ITPK1: variants seen among roughly 807,000 people sequenced by gnomAD.
The protein encoded by ITPK1 is inositol 1,3,4-trisphosphate 5/6-kinase.
ITPK1 carries 21 observed loss-of-function variants against 45.3 expected under a neutral mutation model. The ratio of observed to expected loss-of-function variants is 0.46; its 90% CI spans 0.33 to 0.67. The LOEUF (loss-of-function observed/expected upper bound fraction) is 0.67. Among genes scored for constraint, ITPK1 ranks in the 30% least tolerant of loss-of-function variants. The probability of loss-of-function intolerance (pLI) is 0.02; values close to 1 mark genes in which losing one functional copy is unlikely to be tolerated. For synonymous variants in ITPK1, 258 were observed against 253.6 expected (o/e 1.02, Z -0.16); for missense variants, 474 against 573.5 (o/e 0.83, Z 1.77).
In ITPK1 at chr14:93,046,594, C is replaced by CGG. The variant is rs1239483624; in HGVS notation, c.121-29795_121-29794dup. 2.7e-3 allele frequency among the ~76,000 whole-genome samples: 203 copies of CGG among 74,086 alleles called. 2 individuals are homozygous for CGG. The highest frequency in any genetic ancestry group is 8.9e-3 in the African/African-American group (166 of 18,664). 48.6% of individuals were successfully genotyped at this position (74,086 alleles called of 152,430 possible). ...GCAGGGATGGCCCAGCAGCCGGGGG[C>CGG]GGGGGGGGGCGGCGGGGGGAACACA... On this transcript the variant is annotated intron_variant, in intron 3 of 10. Coordinates refer to ENST00000267615, the MANE Select transcript of ITPK1 (RefSeq NM_014216.6).
chr14:93,030,419 T>G (rs898899588), intron 3 of ITPK1, among the ~76,000 whole-genome samples: 4 of 152,128 alleles, frequency 2.6e-5, no homozygotes, highest in African/African-American at 2.4e-5. Flanking sequence ...AGGACTTGTT[T>G]TCTTTTCTTT....
At chr14:93,057,129 C>A (rs1252336698) in intron 3 of ITPK1, among the ~76,000 whole-genome samples, 2 of 152,172 alleles carry the variant, frequency 1.3e-5, no homozygotes, top group Non-Finnish European at 2.9e-5. Flanking sequence ...GATTATGAGC[C>A]TCACAGGCGA....
intron 3 of ITPK1, among the ~76,000 whole-genome samples, chr14:93,041,066 G>C (rs960924308): frequency 6.6e-6 from 1 of 152,118 alleles, no homozygotes; most frequent in Non-Finnish European, 1.5e-5. Context: ...TCGTATATAC[G>C]ACAGCCATGA....
At chr14:93,081,860 C>T (rs1891448010) in intron 2 of ITPK1, among the ~76,000 whole-genome samples, 1 of 152,192 alleles carries the variant, frequency 6.6e-6, no homozygotes, top group Non-Finnish European at 1.5e-5. Flanking sequence ...GTGGCCCAGC[C>T]TTTACCTATG....
chr14:93,015,951 A>G, intron 4 of ITPK1, among the ~76,000 whole-genome samples: 1 of 152,222 alleles, frequency 6.6e-6, no homozygotes, highest in Non-Finnish European at 1.5e-5. Flanking sequence ...CCCACTAGGC[A>G]CACCTGAAAA....
rs1007841822 is a variant in ITPK1 at position 93,019,935 on chromosome 14, G to A, written c.121-3134C>T. On this transcript the variant is annotated intron_variant, in intron 3 of 10. Coordinates refer to ENST00000267615, the MANE Select transcript of ITPK1 (RefSeq NM_014216.6). Reference sequence around the variant, plus strand: ...CCCCAGAAAAAAGAACATTCCCAGGGACTTCTTGTTCTCCTCAGAGGACGG... The same window carrying A: ...CCCCAGAAAAAAGAACATTCCCAGGAACTTCTTGTTCTCCTCAGAGGACGG... Among the ~76,000 whole-genome samples, 5 of 152,162 alleles carry A rather than the reference G, an allele frequency of 3.3e-5. 1 individual carries two copies. Among genetic ancestry groups the A allele is most frequent in the African/African-American group, 1.2e-4 (5 of 41,432 alleles).
chr14:93,019,416 C>T (rs562095338), intron 3 of ITPK1, among the ~76,000 whole-genome samples: 17 of 152,348 alleles, frequency 1.1e-4, no homozygotes, highest in Admixed American at 9.1e-4. Flanking sequence ...GCATCCCCGG[C>T]GCTCCACTGA....
chr14:93,056,398 G>A (rs1436460286), intron 3 of ITPK1, among the ~76,000 whole-genome samples: 1 of 152,232 alleles, frequency 6.6e-6, no homozygotes, highest in Non-Finnish European at 1.5e-5. Flanking sequence ...ACTGCAGACT[G>A]ACTCAGCAGG....
intron 5 of ITPK1, among the ~76,000 whole-genome samples, chr14:92,963,440 G>A (rs921838769): frequency 9.2e-5 from 14 of 152,222 alleles, no homozygotes; most frequent in African/African-American, 2.9e-4. Flanking sequence ...TGACACAACT[G>A]TTTCCACATG....
At chr14:92,962,468 T>A in intron 6 of ITPK1, 73 bp from the exon 7 acceptor site, 1 of 1,017,774 alleles carries the variant, frequency 9.8e-7, no homozygotes, top group East Asian at 2.4e-5. Context: ...ACTTGGCACG[T>A]CTAGAAAGGA....
chr14:92,990,637 G>T (rs914253583), intron 5 of ITPK1, among the ~76,000 whole-genome samples: 18 of 152,212 alleles, frequency 1.2e-4, no homozygotes, highest in Non-Finnish European at 2.2e-4. Flanking sequence ...AACTGAGAAG[G>T]CAGTGACCTC....
Position 92,983,174 on chromosome 14 carries a change from C to T in ITPK1, c.364+10706G>A, listed in dbSNP as rs936680582. Among the ~76,000 whole-genome samples the T allele has an allele frequency of 5.3e-5, 8 of 152,180 alleles. No individual in the cohort carries two copies. The South Asian group carries it at 8.3e-4, about 16-fold the overall frequency. ...AGACAGAGACAGGCATTTCTGCGCC[C>T]GATGTCTGAGTCTGGCGGCAGTAGC... On this transcript the variant is annotated intron_variant, in intron 5 of 10. Coordinates refer to ENST00000267615, the MANE Select transcript of ITPK1 (RefSeq NM_014216.6).
intron 2 of ITPK1, among the ~76,000 whole-genome samples, chr14:93,080,426 C>G (rs190796392): frequency 6.6e-6 from 1 of 152,138 alleles, no homozygotes; most frequent in Non-Finnish European, 1.5e-5. Context: ...GATAAAAGCA[C>G]GAAGCAATCG....
rs767681253 is a variant in ITPK1 at position 93,115,213 on chromosome 14, C to G, written c.-50G>C. The G allele has an allele frequency of 3.7e-6, 5 of 1,360,072 alleles. No homozygotes were observed. In the African/African-American group the frequency reaches 6.0e-5, roughly 16 times the overall value. The allele number at this position is 1,360,072 out of a possible 1,614,324, so 84.3% of individuals were successfully genotyped here. ...GGTCCGGAGGAAATCGCCCACAGGC[C>G]GAGTCTGGCGGCCGGCGCGCGCCGC... On this transcript the variant is annotated 5_prime_UTR_variant, in exon 2 of 11. Transcript: ENST00000267615.
At position 92,975,306 on chromosome 14, in the gene ITPK1, G is replaced by C. The variant is rs532550614; in HGVS notation, c.365-12457C>G. Among the ~76,000 whole-genome samples, 16 of 152,334 alleles carry C rather than the reference G, an allele frequency of 1.1e-4. No homozygotes were observed. The East Asian group carries it at 3.1e-3, about 29-fold the overall frequency. On this transcript the variant is annotated intron_variant, in intron 5 of 10. Coordinates refer to ENST00000267615, the MANE Select transcript of ITPK1 (RefSeq NM_014216.6). ...GGGTGCAGGCTCAGTGCCCCAGGCA[G>C]TGCCCCTGACCCAGTACCCAGTTCC...
At chr14:92,959,496 G>T (rs992651359) in intron 7 of ITPK1, among the ~76,000 whole-genome samples, 11 of 152,200 alleles carry the variant, frequency 7.2e-5, no homozygotes, top group African/African-American at 2.7e-4. Context: ...TGGGGGCGTT[G>T]GGGGGCAGTG....
chr14:93,028,817 G>C (rs553653189), intron 3 of ITPK1, among the ~76,000 whole-genome samples: 1 of 152,202 alleles, frequency 6.6e-6, no homozygotes, highest in African/African-American at 2.4e-5. Context: ...TCCCAGGCAC[G>C]ATGATGGGGC....
At chr14:93,074,755 G>C (rs908671318) in intron 3 of ITPK1, among the ~76,000 whole-genome samples, 1 of 152,126 alleles carries the variant, frequency 6.6e-6, no homozygotes, top group Non-Finnish European at 1.5e-5. Flanking sequence ...CCATCATAGA[G>C]GGCTAAAAGG....
intron 2 of ITPK1, among the ~76,000 whole-genome samples, chr14:93,108,549 ACCTAAACT>A (rs1442800891): frequency 6.6e-6 from 1 of 152,218 alleles, no homozygotes; most frequent in African/African-American, 2.4e-5. Flanking sequence ...GCCCCCAGCA[ACCTAAACT>A]CCTCAATCTC....
Sources: allele counts gnomAD v4.1 joint callset (sites outside exome capture counted in the v4.1 genomes callset), GRCh38; gene constraint gnomAD v4.1.1; transcripts MANE v1.5; gene names NCBI Gene and HGNC (gene_info 2026-07-23, HGNC 2026-07-21).